The following PIPOX variants were observed in gnomAD, a reference collection of about 807,000 sequenced individuals.
The protein encoded by PIPOX is pipecolic acid and sarcosine oxidase, also known as peroxisomal sarcosine oxidase.
A neutral mutation model predicts 47.9 loss-of-function variants in PIPOX; 45 were observed. The observed-to-expected ratio is 0.94, with a 90% CI of 0.74 to 1.20. The LOEUF (loss-of-function observed/expected upper bound fraction) is 1.20. Ranked by LOEUF, PIPOX falls within the 50% of genes most tolerant of loss-of-function variation. PIPOX has a pLI of 0.00. For synonymous variants in PIPOX, 165 were observed against 191.3 expected (o/e 0.86, Z 1.13); for missense variants, 458 against 498.4 (o/e 0.92, Z 0.77).
chr17:29,045,649 T>C (rs1460337217), intron 2 of PIPOX, among the ~76,000 whole-genome samples: 1 of 151,992 alleles, frequency 6.6e-6, no homozygotes, highest in Admixed American at 6.6e-5. Flanking sequence ...GACCTCATGA[T>C]CTGCCCTTCT....
chr17:29,051,150 T>G (rs1408897128), intron 2 of PIPOX, among the ~76,000 whole-genome samples: 2 of 152,102 alleles, frequency 1.3e-5, no homozygotes, highest in African/African-American at 2.4e-5. Flanking sequence ...CTAGGTAAGT[T>G]TTCATTACCT....
At chr17:29,049,690 G>A (rs781610725) in intron 2 of PIPOX, among the ~76,000 whole-genome samples, 1 of 152,092 alleles carries the variant, frequency 6.6e-6, no homozygotes, top group Non-Finnish European at 1.5e-5. Flanking sequence ...TTTCCGATTT[G>A]CTCATAATGG....
chr17:29,054,131 C>T (rs984428358), intron 4 of PIPOX, among the ~76,000 whole-genome samples: 5 of 152,016 alleles, frequency 3.3e-5, no homozygotes, highest in East Asian at 1.9e-4. Flanking sequence ...TGCAATGAGT[C>T]GTGATTCTAC....
At position 29,056,216 on chromosome 17, in the gene PIPOX, T is replaced by C. The variant is rs779797223; in HGVS notation, c.1084T>C (p.Tyr362His). The change falls in exon 8 of 8, where the codon TAT (tyrosine) becomes CAT (histidine). Residue 362 changes from tyrosine to histidine, a missense_variant. Coordinates refer to ENST00000323372, the MANE Select transcript of PIPOX (RefSeq NM_016518.3). ...GGCCCCTGTGGTGGGGAAGATCCTG[T>C]ATGAATTAAGCATGAAATTAACACC... ...KLAPVVGKIL[Y>H]ELSMKLTPSY... 4 of 1,614,180 alleles carry C rather than the reference T, an allele frequency of 2.5e-6. No homozygotes were observed. The highest frequency in any genetic ancestry group is 1.1e-5 in the South Asian group (1 of 91,078).
At position 29,055,852 on chromosome 17, in the gene PIPOX, A is replaced by G. The variant is rs1318875462; in HGVS notation, c.1006A>G (p.Lys336Glu). Residue 336 changes from lysine (K) to glutamate (E), a missense_variant, in exon 7 of 8, where the codon AAG becomes GAG. By Grantham distance (56) the Lys-to-Glu change is moderately conservative. Coordinates refer to ENST00000323372, the MANE Select transcript of PIPOX (RefSeq NM_016518.3). ...DEQFILDRHP[K>E]YDNIVIGAGF... ...GCAGTTCATTCTCGATCGCCACCCA[A>G]AGTATGACAACATTGTCATTGGTGC... 1.2e-6 allele frequency: 2 copies of G among 1,613,938 alleles called. No homozygotes were observed. Among genetic ancestry groups the G allele is most frequent in the African/African-American group, 1.3e-5 (1 of 75,004 alleles).
intron 3 of PIPOX, 129 bp from the exon 4 acceptor site, chr17:29,053,284 G>A (rs777184102): frequency 1.4e-5 from 17 of 1,183,402 alleles, no homozygotes; most frequent in East Asian, 2.4e-5. Context: ...AAATATATGC[G>A]GCTGGCCTTG....
chr17:29,055,936 C>G, intron 7 of PIPOX, 48 bp downstream of exon 7: 1 of 1,509,706 alleles, frequency 6.6e-7, no homozygotes. Flanking sequence ...TGACCTACCT[C>G]AGTGCCAGGT....
At chr17:29,047,303 A>AAAAAGAAAAG (rs533547780) in intron 2 of PIPOX, among the ~76,000 whole-genome samples, 19 of 152,028 alleles carry the variant, frequency 1.2e-4, no homozygotes, top group Non-Finnish European at 2.6e-4. Context: ...TCAAAGAAAA[A>AAAAAGAAAAG]AAAAGAAAAG....
chr17:29,055,938 G>A, intron 7 of PIPOX, 50 bp downstream of exon 7: 1 of 1,510,342 alleles, frequency 6.6e-7, no homozygotes, highest in African/African-American at 1.4e-5. Context: ...ACCTACCTCA[G>A]TGCCAGGTGA....
At position 29,045,871 on chromosome 17, in the gene PIPOX, C is replaced by T. The variant is rs115533434; in HGVS notation, c.263+864C>T. 1.8e-3 allele frequency among the ~76,000 whole-genome samples: 278 copies of T among 152,250 alleles called. 1 individual carries two copies. The highest frequency in any genetic ancestry group is 6.4e-3 in the African/African-American group (264 of 41,552). On this transcript the variant is annotated intron_variant, in intron 2 of 7. Coordinates refer to ENST00000323372, the MANE Select transcript of PIPOX (RefSeq NM_016518.3). ...GATTGCTTGCCAGGGAGTGAGCCTCCACGTCTTTCTCTGCTGCCTTCATGG... is the reference window on the plus strand; with the variant it reads ...GATTGCTTGCCAGGGAGTGAGCCTCTACGTCTTTCTCTGCTGCCTTCATGG...
At position 29,053,442 on chromosome 17, in the gene PIPOX, G is replaced by C. The variant is rs140316019; in HGVS notation, c.507G>C (p.Val169=). 4.9e-5 allele frequency: 79 copies of C among 1,613,980 alleles called. No individual in the cohort carries two copies. In the African/African-American group the frequency reaches 9.1e-4, roughly 19 times the overall value. ...QDAIRQLGGI[V]RDGEKVVEIN... ...CAATTCGACAGCTAGGAGGCATAGT[G>C]CGTGACGGAGAGAAGGTGGTGGAGA... The change falls in exon 4 of 8, where the codon GTG becomes GTC. Residue 169 remains valine (V), a synonymous_variant. Transcript: ENST00000323372.
intron 2 of PIPOX, chr17:29,051,852 A>C: frequency 2.2e-6 from 1 of 444,626 alleles, no homozygotes; most frequent in Non-Finnish European, 4.7e-6. Flanking sequence ...CTGCCCACTA[A>C]ATGTGAGAGG....
chr17:29,054,408 G>T (rs1453294990), intron 4 of PIPOX, 137 bp from the exon 5 acceptor site: 18 of 813,536 alleles, frequency 2.2e-5, no homozygotes, highest in Non-Finnish European at 4.1e-6. Flanking sequence ...ATGAGAAGTG[G>T]GAGAGACAAA....
At chr17:29,052,529 C>T (rs2065810305) in intron 2 of PIPOX, among the ~76,000 whole-genome samples, 2 of 152,240 alleles carry the variant, frequency 1.3e-5, no homozygotes, top group Non-Finnish European at 2.9e-5. Flanking sequence ...GACCCGAGAT[C>T]CCTCCTGAAG....
At chr17:29,052,548 A>G (rs1364078652) in intron 2 of PIPOX, among the ~76,000 whole-genome samples, 2 of 152,162 alleles carry the variant, frequency 1.3e-5, no homozygotes, top group African/African-American at 4.8e-5. Context: ...AGGAGAGCAA[A>G]TGGCCCAGGG....
chr17:29,055,561 C>T (rs544514998), intron 6 of PIPOX, among the ~76,000 whole-genome samples: 1 of 152,344 alleles, frequency 6.6e-6, no homozygotes, highest in South Asian at 2.1e-4. Context: ...CCTAAGGCAT[C>T]TTGGCTAAAG....
intron 2 of PIPOX, among the ~76,000 whole-genome samples, chr17:29,050,282 T>A (rs1468631988): frequency 2.0e-5 from 3 of 152,358 alleles, no homozygotes; most frequent in Admixed American, 2.0e-4. Context: ...TCACATTACA[T>A]CTGCTTAGGT....
chr17:29,051,021 C>A (rs1054811056), intron 2 of PIPOX, among the ~76,000 whole-genome samples: 1 of 151,706 alleles, frequency 6.6e-6, no homozygotes, highest in Non-Finnish European at 1.5e-5. Context: ...ACTCCAGAGG[C>A]TGAGGCAGGA....
chr17:29,055,516 T>G (rs560509871), intron 6 of PIPOX, among the ~76,000 whole-genome samples: 1 of 152,170 alleles, frequency 6.6e-6, no homozygotes, highest in Non-Finnish European at 1.5e-5. Context: ...TGAGCAGGCC[T>G]TAGGGACAAA....
Sources: gnomAD v4.1 joint callset for allele counts (sites outside exome capture counted in the v4.1 genomes callset) on GRCh38, gnomAD v4.1.1 for gene constraint, MANE v1.5 for transcripts, NCBI Gene and HGNC (gene_info 2026-07-23, HGNC 2026-07-21) for gene names.